The following CENPP variants were observed in gnomAD, a reference collection of about 807,000 sequenced individuals.
CENPP encodes the protein centromere protein P.
A neutral mutation model predicts 35.6 loss-of-function variants in CENPP; 24 were observed. The ratio of observed to expected loss-of-function variants is 0.67; its 90% CI spans 0.49 to 0.95. CENPP has a LOEUF of 0.95. CENPP is among the 40% of genes least tolerant of loss of function. The pLI, the probability that CENPP is intolerant of heterozygous loss-of-function variation, is 0.00. For synonymous variants in CENPP, 120 were observed against 125.5 expected, an observed-to-expected ratio of 0.96 and a Z score of 0.29; for missense variants, 332 against 345.3, an observed-to-expected ratio of 0.96 and a Z score of 0.31.
intron 4 of CENPP, among the ~76,000 whole-genome samples, chr9:92,365,765 T>A: frequency 6.6e-6 from 1 of 152,044 alleles, no homozygotes; most frequent in East Asian, 1.9e-4. Context: ...AAGGACAATG[T>A]ACCTTTATGT....
chr9:92,353,400 G>A (rs1299600817), intron 4 of CENPP, among the ~76,000 whole-genome samples: 1 of 152,108 alleles, frequency 6.6e-6, no homozygotes, highest in African/African-American at 2.4e-5. Context: ...AAGGATCTGG[G>A]CCATTTGTAG....
chr9:92,490,708 A>G (rs1472459003), intron 5 of CENPP, among the ~76,000 whole-genome samples: 3 of 152,266 alleles, frequency 2.0e-5, no homozygotes, highest in Admixed American at 2.0e-4. Context: ...CAGTGTTGCT[A>G]TTATGCAGAG....
At chr9:92,563,322 T>C (rs111793708) in intron 5 of CENPP, among the ~76,000 whole-genome samples, 5,013 of 152,344 alleles carry the variant, frequency 0.033, 126 homozygotes, top group Non-Finnish European at 0.048. Flanking sequence ...CATTTCTCTC[T>C]GCTTTACGTT....
intron 5 of CENPP, among the ~76,000 whole-genome samples, chr9:92,440,161 A>C (rs1844350039): frequency 4.6e-5 from 7 of 152,100 alleles, no homozygotes; most frequent in Admixed American, 4.6e-4. Flanking sequence ...ACCTCCCATT[A>C]GTCACTTAGG....
chr9:92,337,615 A>G lies in CENPP; in HGVS notation c.364A>G (p.Ile122Val), dbSNP rs1840970768. Reference protein sequence around the residue: ...HMVTFQLEFQILEIQNKERLS... With the variant: ...HMVTFQLEFQVLEIQNKERLS... ...GGTTACATTTCAACTTGAATTTCAG[A>G]TTCTGGAAATTCAGGTAAATTAAGA... Residue 122 changes from isoleucine to valine, a missense_variant, in exon 3 of 8, where the codon ATT (isoleucine) becomes GTT (valine). Physicochemically the swap from Ile to Val is conservative, Grantham distance 29 (BLOSUM62 3). Coordinates refer to ENST00000375587, the MANE Select transcript of CENPP (RefSeq NM_001012267.3). 6.3e-7 allele frequency: 1 copy of G among 1,587,664 alleles called. No individual in the cohort carries two copies. The highest frequency in any genetic ancestry group is 1.1e-5 in the South Asian group (1 of 90,484).
intron 4 of CENPP, among the ~76,000 whole-genome samples, chr9:92,351,460 AG>A (rs758171639): frequency 2.1e-5 from 3 of 144,110 alleles, no homozygotes; most frequent in Non-Finnish European, 4.5e-5. Context: ...CCTGGGTGAC[AG>A]AGTGAGACTA....
intron 5 of CENPP, among the ~76,000 whole-genome samples, chr9:92,541,428 C>T (rs2131309522): frequency 7.3e-6 from 1 of 137,734 alleles, no homozygotes; most frequent in Middle Eastern, 3.7e-3. Context: ...CCCCACCCCG[C>T]CCACACCCCC....
At chr9:92,354,087 G>T (rs1433535742) in intron 4 of CENPP, among the ~76,000 whole-genome samples, 2 of 152,220 alleles carry the variant, frequency 1.3e-5, no homozygotes, top group African/African-American at 4.8e-5. Context: ...TAAAGTGAGT[G>T]CCTTCATCAG....
intron 5 of CENPP, among the ~76,000 whole-genome samples, chr9:92,530,625 T>C (rs1180543010): frequency 6.6e-6 from 1 of 152,238 alleles, no homozygotes; most frequent in Non-Finnish European, 1.5e-5. Context: ...TATCATTAGG[T>C]GGATACTTTC....
intron 5 of CENPP, among the ~76,000 whole-genome samples, chr9:92,445,881 C>CA (rs1304488203): frequency 0.035 from 4,306 of 124,400 alleles, 154 homozygotes; most frequent in African/African-American, 0.099. Flanking sequence ...GATAATGTCT[C>CA]AAAAAAAAAA....
intron 4 of CENPP, among the ~76,000 whole-genome samples, chr9:92,361,361 G>A (rs914402949): frequency 8.0e-4 from 121 of 151,730 alleles, no homozygotes; most frequent in Non-Finnish European, 1.5e-3. Context: ...GGCTGGTCTC[G>A]AACCCCTGAC....
rs749001249 is a variant in CENPP at position 92,417,282 on chromosome 9, T to C, written c.564+37423T>C. On this transcript the variant is annotated intron_variant, in intron 5 of 7. Transcript: ENST00000375587. ...TTGAACTGAAGGTAGAGTTGCTGAATGTGCATCGGAATATTTGGGATAGTC... is the reference window on the plus strand; with the variant it reads ...TTGAACTGAAGGTAGAGTTGCTGAACGTGCATCGGAATATTTGGGATAGTC... 8 of 1,614,000 alleles carry C rather than the reference T, an allele frequency of 5.0e-6. No individual in the cohort carries two copies. In the East Asian group the frequency reaches 6.7e-5, roughly 13 times the overall value.
intron 5 of CENPP, among the ~76,000 whole-genome samples, chr9:92,546,395 A>C (rs556491822): frequency 1.3e-5 from 2 of 151,816 alleles, no homozygotes; most frequent in Non-Finnish European, 2.9e-5. Context: ...GCTGCTGCTC[A>C]CTCTTTGGGT....
intron 5 of CENPP, among the ~76,000 whole-genome samples, chr9:92,510,527 A>T (rs1306689894): frequency 2.6e-5 from 4 of 152,258 alleles, no homozygotes; most frequent in Non-Finnish European, 5.9e-5. Flanking sequence ...GAAATTTTTC[A>T]AAACCAAGGA....
intron 5 of CENPP, among the ~76,000 whole-genome samples, chr9:92,579,870 G>A (rs1254331517): frequency 1.4e-5 from 2 of 146,996 alleles, no homozygotes; most frequent in Non-Finnish European, 3.0e-5. Flanking sequence ...GGGCATCCCT[G>A]TCTTGTGCCA....
At chr9:92,352,737 G>T (rs1030120925) in intron 4 of CENPP, among the ~76,000 whole-genome samples, 6 of 151,214 alleles carry the variant, frequency 4.0e-5, no homozygotes, top group Non-Finnish European at 4.4e-5. Flanking sequence ...ACCTTTTCAT[G>T]TGTTTCTGCC....
chr9:92,365,450 A>C (rs1588062688), intron 4 of CENPP, among the ~76,000 whole-genome samples: 2 of 123,234 alleles, frequency 1.6e-5, no homozygotes, highest in Non-Finnish European at 1.6e-5. Flanking sequence ...TCGTGCTCTC[A>C]CTCACGCTGG....
At chr9:92,460,388 G>A in intron 5 of CENPP, 2 of 802,428 alleles carry the variant, frequency 2.5e-6, no homozygotes, top group Non-Finnish European at 4.1e-6. Context: ...ACAGCAACTG[G>A]CTAAACAGAC....
intron 5 of CENPP, chr9:92,610,476 C>T (rs1384020666): frequency 6.6e-6 from 1 of 152,164 alleles, no homozygotes; most frequent in African/African-American, 2.4e-5. Context: ...GATCTAAATT[C>T]GCGGGTCGGT....
Sources: gnomAD v4.1 joint callset for allele counts (sites outside exome capture counted in the v4.1 genomes callset) on GRCh38, gnomAD v4.1.1 for gene constraint, MANE v1.5 for transcripts, NCBI Gene and HGNC (gene_info 2026-07-23, HGNC 2026-07-21) for gene names.